Variants in GRM8 observed in about 807,000 individuals in gnomAD.
GRM8 encodes the protein glutamate metabotropic receptor 8, also known as metabotropic glutamate receptor 8.
Under a neutral mutation model 87.2 loss-of-function variants are expected in GRM8, and 47 were observed. The ratio of observed to expected loss-of-function variants is 0.54; its 90% CI spans 0.43 to 0.69. The LOEUF (loss-of-function observed/expected upper bound fraction) is 0.69. Ranked by LOEUF, GRM8 falls within the 30% of genes least tolerant of loss-of-function variation. The pLI is 0.00. For missense variants in GRM8, 1,019 were observed against 1,139.2 expected, an observed-to-expected ratio of 0.89 and a Z score of 1.52; for synonymous variants, 396 against 404.5, an observed-to-expected ratio of 0.98 and a Z score of 0.25.
intron 7 of GRM8, among the ~76,000 whole-genome samples, chr7:126,677,982 T>C (rs901537457): frequency 1.3e-5 from 2 of 152,172 alleles, no homozygotes; most frequent in Non-Finnish European, 2.9e-5. Context: ...ACTAGGGGCA[T>C]GGAAGAGGCA....
chr7:126,665,053 A>T (rs926738044), intron 7 of GRM8, among the ~76,000 whole-genome samples: 9 of 152,152 alleles, frequency 5.9e-5, no homozygotes, highest in African/African-American at 1.9e-4. Context: ...GCAAATCAAA[A>T]CTACATGAGA....
At chr7:126,600,109 C>G (rs1431082309) in intron 8 of GRM8, among the ~76,000 whole-genome samples, 1 of 152,102 alleles carries the variant, frequency 6.6e-6, no homozygotes, top group African/African-American at 2.4e-5. Flanking sequence ...ATCATTGATT[C>G]CTTGAATTCA....
intron 2 of GRM8, among the ~76,000 whole-genome samples, chr7:127,161,692 T>C (rs1326112839): frequency 1.3e-5 from 2 of 152,104 alleles, no homozygotes; most frequent in African/African-American, 4.8e-5. Flanking sequence ...CCAAAAAAAC[T>C]ATTAAATAAC....
chr7:126,801,835 C>T (rs1290602288), intron 6 of GRM8, among the ~76,000 whole-genome samples: 5 of 151,948 alleles, frequency 3.3e-5, no homozygotes, highest in Admixed American at 2.0e-4. Flanking sequence ...TCCTTTGCTT[C>T]GAGTCAGATT....
chr7:127,249,200 A>G (rs919066126), intron 1 of GRM8, among the ~76,000 whole-genome samples: 4 of 152,282 alleles, frequency 2.6e-5, no homozygotes, highest in African/African-American at 7.2e-5. Context: ...TCTCCTAGAT[A>G]TTCCTACTTC....
intron 2 of GRM8, among the ~76,000 whole-genome samples, chr7:127,199,967 A>G (rs953545749): frequency 2.0e-5 from 3 of 152,226 alleles, no homozygotes; most frequent in African/African-American, 7.2e-5. Flanking sequence ...AGTTACTTGT[A>G]GAAGTATTTA....
chr7:126,483,106 A>AT (rs1234634282), intron 9 of GRM8, among the ~76,000 whole-genome samples: 1 of 147,852 alleles, frequency 6.8e-6, no homozygotes, highest in African/African-American at 2.4e-5. Context: ...TTGTTATATA[A>AT]ATATATAACT....
intron 2 of GRM8, among the ~76,000 whole-genome samples, chr7:127,146,805 T>G (rs1587133422): frequency 6.6e-6 from 1 of 152,030 alleles, no homozygotes; most frequent in Non-Finnish European, 1.5e-5. Context: ...GTCATTCATC[T>G]TACAGTAACT....
At position 126,609,623 on chromosome 7, in the gene GRM8, A is replaced by G. The variant is rs534330758; in HGVS notation, c.1358-125T>C. ...TGAAGTAAGTGATGCAAAGATTGCA[A>G]TCCATACAAGGTCATTCTTGATAGC... On this transcript the variant is annotated intron_variant, in intron 7 of 10. Coordinates refer to ENST00000339582, the MANE Select transcript of GRM8 (RefSeq NM_000845.3). 1.0e-4 allele frequency: 71 copies of G among 693,818 alleles called. 2 individuals are homozygous for G. The South Asian group carries it at 1.3e-3, about 13-fold the overall frequency. The allele number at this position is 693,818 out of a possible 1,614,324, so 43.0% of individuals were successfully genotyped here.
intron 7 of GRM8, among the ~76,000 whole-genome samples, chr7:126,679,357 T>G (rs764794290): frequency 6.6e-6 from 1 of 152,236 alleles, no homozygotes; most frequent in African/African-American, 2.4e-5. Context: ...AAGCTAGAAT[T>G]TCCTCTGATA....
chr7:126,974,325 A>G (rs941317855), intron 3 of GRM8, among the ~76,000 whole-genome samples: 10 of 152,202 alleles, frequency 6.6e-5, no homozygotes, highest in African/African-American at 2.4e-4. Flanking sequence ...TGCGTTAAAT[A>G]AGTAGATTTA....
chr7:126,846,941 C>A (rs890830847), intron 6 of GRM8, among the ~76,000 whole-genome samples: 1 of 152,098 alleles, frequency 6.6e-6, no homozygotes, highest in Non-Finnish European at 1.5e-5. Context: ...TGCAAGAAAC[C>A]ATATTCTCCA....
chr7:127,119,653 A>G (rs1316242160), intron 2 of GRM8, among the ~76,000 whole-genome samples: 1 of 152,172 alleles, frequency 6.6e-6, no homozygotes, highest in African/African-American at 2.4e-5. Context: ...GCTTAGGAAA[A>G]GCTAACAATT....
chr7:126,465,026 T>C (rs987283332), intron 9 of GRM8, among the ~76,000 whole-genome samples: 1 of 151,702 alleles, frequency 6.6e-6, no homozygotes, highest in Non-Finnish European at 1.5e-5. Context: ...CTTACTCTCC[T>C]AGCATATTTT....
chr7:126,746,545 C>T (rs74381954), intron 7 of GRM8, among the ~76,000 whole-genome samples: 2,667 of 151,476 alleles, frequency 0.018, 73 homozygotes, highest in African/African-American at 0.061. Context: ...AGTATTAAAA[C>T]GCATTCACCA....
At chr7:126,716,909 G>C (rs896873430) in intron 7 of GRM8, among the ~76,000 whole-genome samples, 1 of 152,084 alleles carries the variant, frequency 6.6e-6, no homozygotes, top group Admixed American at 6.5e-5. Flanking sequence ...CCACCAGTAG[G>C]GAGGAATAAT....
At chr7:126,678,121 T>C (rs1157531586) in intron 7 of GRM8, among the ~76,000 whole-genome samples, 4 of 152,230 alleles carry the variant, frequency 2.6e-5, no homozygotes, top group Admixed American at 6.5e-5. Context: ...AATTTCACAA[T>C]AGATGTTTTT....
intron 6 of GRM8, among the ~76,000 whole-genome samples, chr7:126,866,935 G>C (rs958706843): frequency 2.6e-5 from 4 of 152,060 alleles, no homozygotes; most frequent in African/African-American, 9.7e-5. Context: ...AATTTTTAAA[G>C]TGGTTATCAC....
chr7:127,073,282 C>T (rs1277844305), intron 3 of GRM8, among the ~76,000 whole-genome samples: 1 of 152,166 alleles, frequency 6.6e-6, no homozygotes, highest in Non-Finnish European at 1.5e-5. Flanking sequence ...ACTCTGAACC[C>T]ATGAACAGAA....
Sources: gnomAD v4.1 joint callset for allele counts (sites outside exome capture counted in the v4.1 genomes callset) on GRCh38, gnomAD v4.1.1 for gene constraint, MANE v1.5 for transcripts, NCBI Gene and HGNC (gene_info 2026-07-23, HGNC 2026-07-21) for gene names.